Variants in TIAM1 observed in about 807,000 individuals in gnomAD.
TIAM1 encodes rho guanine nucleotide exchange factor TIAM1.
TIAM1 carries 65 observed loss-of-function variants against 163.5 expected under a neutral mutation model. That is an observed-to-expected ratio of 0.40 (90% CI 0.33 to 0.49). The LOEUF (loss-of-function observed/expected upper bound fraction) is 0.49. TIAM1 is among the 20% of genes least tolerant of loss of function. The pLI is 0.77. For synonymous variants in TIAM1, 833 were observed against 810.1 expected (o/e 1.03, Z -0.48); for missense variants, 1,789 against 2,044.7 (o/e 0.87, Z 2.41).
intron 22 of TIAM1, among the ~76,000 whole-genome samples, chr21:31,136,530 G>A (rs1040010907): frequency 6.6e-6 from 1 of 151,942 alleles, no homozygotes; most frequent in African/African-American, 2.4e-5. Context: ...TCTCCTAATT[G>A]AAAAATAAAT....
chr21:31,187,701 T>C (rs532319331), intron 13 of TIAM1, among the ~76,000 whole-genome samples: 10 of 152,236 alleles, frequency 6.6e-5, no homozygotes, highest in East Asian at 5.8e-4. Flanking sequence ...GCCAACTTGC[T>C]AATTAACCCT....
chr21:31,547,937 C>T (rs1034350668), intron 1 of TIAM1, among the ~76,000 whole-genome samples: 4 of 152,014 alleles, frequency 2.6e-5, no homozygotes, highest in African/African-American at 9.7e-5. Context: ...GCCCAAAACA[C>T]CTGAAATTAT....
intron 2 of TIAM1, among the ~76,000 whole-genome samples, chr21:31,402,286 G>C (rs1004813726): frequency 1.3e-5 from 2 of 152,106 alleles, no homozygotes; most frequent in African/African-American, 2.4e-5. Flanking sequence ...GGAAAGGTCA[G>C]GTAGTATTGG....
At chr21:31,225,632 T>C in intron 7 of TIAM1, 94 bp downstream of exon 7, 1 of 990,656 alleles carries the variant, frequency 1.0e-6, no homozygotes, top group Non-Finnish European at 1.5e-6. Flanking sequence ...AGATATCCGA[T>C]GATGTTTCAC....
intron 1 of TIAM1, among the ~76,000 whole-genome samples, chr21:31,526,247 G>A (rs1266758178): frequency 1.3e-5 from 2 of 152,234 alleles, no homozygotes; most frequent in East Asian, 3.9e-4. Flanking sequence ...ACTGAAGAGG[G>A]AAGGATAAGA....
intron 1 of TIAM1, among the ~76,000 whole-genome samples, chr21:31,466,676 C>T (rs2045544157): frequency 6.6e-6 from 1 of 152,120 alleles, no homozygotes; most frequent in African/African-American, 2.4e-5. Context: ...CGTCCTGGCC[C>T]GAAGCTCAGT....
At chr21:31,216,757 G>T (rs982278562) in intron 9 of TIAM1, among the ~76,000 whole-genome samples, 1 of 152,092 alleles carries the variant, frequency 6.6e-6, no homozygotes, top group Non-Finnish European at 1.5e-5. Flanking sequence ...GAGCAGAAGG[G>T]GGCTGTGGCA....
intron 2 of TIAM1, among the ~76,000 whole-genome samples, chr21:31,305,301 T>C (rs1025928826): frequency 6.6e-6 from 1 of 151,988 alleles, no homozygotes; most frequent in African/African-American, 2.4e-5. Flanking sequence ...GAAAATTAGA[T>C]GATACCGAAT....
intron 2 of TIAM1, among the ~76,000 whole-genome samples, chr21:31,330,908 A>AT (rs5843514): frequency 6.6e-5 from 10 of 151,992 alleles, no homozygotes; most frequent in African/African-American, 1.9e-4. Flanking sequence ...TAATACTATG[A>AT]TTTTTTTTCA....
At chr21:31,384,401 CAAA>C (rs5843516) in intron 2 of TIAM1, among the ~76,000 whole-genome samples, 2 of 107,866 alleles carry the variant, frequency 1.9e-5, no homozygotes, top group African/African-American at 6.9e-5. Flanking sequence ...CCCATCTCTA[CAAA>C]AAAAAAAAAA....
intron 25 of TIAM1, among the ~76,000 whole-genome samples, chr21:31,128,061 A>C (rs1298459135): frequency 1.3e-5 from 2 of 152,222 alleles, no homozygotes; most frequent in Non-Finnish European, 2.9e-5. Context: ...TTAAGTCATG[A>C]ATAAAGTGTT....
chr21:31,445,847 G>A (rs947294865), intron 2 of TIAM1, among the ~76,000 whole-genome samples: 1 of 152,146 alleles, frequency 6.6e-6, no homozygotes, highest in Non-Finnish European at 1.5e-5. Context: ...TTGGGGTTTT[G>A]TTGGTTGTAT....
chr21:31,293,715 G>C (rs754228991), intron 2 of TIAM1, among the ~76,000 whole-genome samples: 1 of 152,284 alleles, frequency 6.6e-6, no homozygotes, highest in South Asian at 2.1e-4. Flanking sequence ...TGCGAAGAGC[G>C]GCAAGTCTTG....
intron 1 of TIAM1, among the ~76,000 whole-genome samples, chr21:31,531,642 A>G (rs371830100): frequency 6.6e-6 from 1 of 152,246 alleles, no homozygotes; most frequent in African/African-American, 2.4e-5. Context: ...GACCCAGAGA[A>G]GAAAGGAGGG....
chr21:31,408,874 C>T (rs1472903094), intron 2 of TIAM1, among the ~76,000 whole-genome samples: 7 of 152,130 alleles, frequency 4.6e-5, no homozygotes, highest in African/African-American at 2.4e-5. Context: ...CCTAATAAAT[C>T]GGAAACCTAG....
chr21:31,544,998 G>GTGAGA (rs144316768), intron 1 of TIAM1, among the ~76,000 whole-genome samples: 5,320 of 152,188 alleles, frequency 0.035, 297 homozygotes, highest in African/African-American at 0.12. Context: ...GGGTGACAGA[G>GTGAGA]TGAGACTCCG....
intron 1 of TIAM1, among the ~76,000 whole-genome samples, chr21:31,554,551 C>G (rs1171535270): frequency 6.6e-6 from 1 of 152,198 alleles, no homozygotes; most frequent in Non-Finnish European, 1.5e-5. Flanking sequence ...GTGACAGGAC[C>G]AAGCCTCAAA....
At chr21:31,177,388 C>A (rs1441234091) in intron 15 of TIAM1, among the ~76,000 whole-genome samples, 2 of 152,194 alleles carry the variant, frequency 1.3e-5, no homozygotes, top group Non-Finnish European at 2.9e-5. Context: ...AGGTGGATCA[C>A]CTGAGGCCAG....
intron 1 of TIAM1, among the ~76,000 whole-genome samples, chr21:31,507,179 A>ATTTTTTTTTT (rs572356384): frequency 4.5e-5 from 2 of 44,582 alleles, no homozygotes; most frequent in African/African-American, 9.7e-5. Context: ...CACCTTTTTA[A>ATTTTTTTTTT]TTTTTTTTTT....
Sources: gnomAD v4.1 joint callset for allele counts (sites outside exome capture counted in the v4.1 genomes callset) on GRCh38, gnomAD v4.1.1 for gene constraint, MANE v1.5 for transcripts, NCBI Gene and HGNC (gene_info 2026-07-23, HGNC 2026-07-21) for gene names.